The following ANKRD6 variants were observed in gnomAD, a reference collection of about 807,000 sequenced individuals.
ANKRD6 encodes the protein ankyrin repeat domain-containing protein 6.
ANKRD6 carries 56 observed loss-of-function variants against 82.3 expected under a neutral mutation model. The observed-to-expected ratio is 0.68, with a 90% confidence interval of 0.55 to 0.85. The LOEUF (loss-of-function observed/expected upper bound fraction) is 0.85. ANKRD6 is among the 40% of genes least tolerant of loss of function. The pLI, the probability that ANKRD6 is intolerant of heterozygous loss-of-function variation, is 0.00. For synonymous variants in ANKRD6, 347 were observed against 352.1 expected (o/e 0.99, Z 0.16); for missense variants, 852 against 907.6 (o/e 0.94, Z 0.79).
chr6:89,514,099 C>T (rs755526130), intron 1 of ANKRD6, among the ~76,000 whole-genome samples: 41 of 152,118 alleles, frequency 2.7e-4, no homozygotes, highest in Admixed American at 1.3e-3. Context: ...TATGAAGGGC[C>T]GGGTGCGGTA....
chr6:89,538,855 T>G (rs1394001697), intron 1 of ANKRD6, among the ~76,000 whole-genome samples: 1 of 152,016 alleles, frequency 6.6e-6, no homozygotes, highest in East Asian at 1.9e-4. Context: ...AATACTTTCA[T>G]GCAAAGAAGA....
chr6:89,456,648 C>T (rs1773544591), intron 1 of ANKRD6, among the ~76,000 whole-genome samples: 1 of 152,178 alleles, frequency 6.6e-6, no homozygotes, highest in African/African-American at 2.4e-5. Context: ...ACTTGTTCTG[C>T]CCATAACACT....
rs146309436 is a variant in ANKRD6, at chr6:89,617,690, A to C, written c.715-264A>C. Among the ~76,000 whole-genome samples, 19 of 152,182 alleles carry C rather than the reference A, an allele frequency of 1.2e-4. No individual in the cohort carries two copies. The East Asian group carries it at 3.7e-3, about 29-fold the overall frequency. The stretch of plus-strand genomic sequence containing the variant: ...TACCCAGGCCTTGGCCTCCTAAAGC[A>C]CTTCTTGCCCCCTTGGTCTGCCCTT... On this transcript the variant is annotated intron_variant, in intron 8 of 15. Transcript: ENST00000339746.
intron 1 of ANKRD6, among the ~76,000 whole-genome samples, chr6:89,510,805 T>A (rs990100801): frequency 6.6e-6 from 1 of 152,108 alleles, no homozygotes; most frequent in African/African-American, 2.4e-5. Flanking sequence ...CTGTGAAGGA[T>A]CTTGGCTTTG....
In ANKRD6 at chr6:89,532,699, AT is replaced by A. The variant is rs947152901; in HGVS notation, c.-143-34126del. 2.9e-4 allele frequency among the ~76,000 whole-genome samples: 44 copies of A among 150,712 alleles called. No individual in the cohort carries two copies. The Middle Eastern group carries it at 0.014, about 47-fold the overall frequency. ...TGAAAGCTTACAAGATAGTAAATTG[AT>A]TTTTTTTTCTTTTTTTTTTGAGATG... On this transcript the variant is annotated intron_variant, in intron 1 of 15. Transcript: ENST00000339746.
intron 1 of ANKRD6, among the ~76,000 whole-genome samples, chr6:89,454,028 C>T (rs1353473570): frequency 1.3e-5 from 2 of 152,062 alleles, no homozygotes; most frequent in Non-Finnish European, 2.9e-5. Context: ...GTCTTGAACT[C>T]CTGACCTCAG....
intron 1 of ANKRD6, among the ~76,000 whole-genome samples, chr6:89,510,850 T>C (rs1780455965): frequency 6.6e-6 from 1 of 152,218 alleles, no homozygotes. Context: ...TCACAGTACC[T>C]GTACATAGTA....
intron 4 of ANKRD6, 109 bp from the exon 5 acceptor site, chr6:89,605,898 T>G: frequency 1.2e-5 from 8 of 675,702 alleles, no homozygotes; most frequent in African/African-American, 1.8e-5. Context: ...AAAGTCCAAT[T>G]GAGAAAGGCC....
chr6:89,540,701 C>T (rs978733532), intron 1 of ANKRD6, among the ~76,000 whole-genome samples: 3 of 151,958 alleles, frequency 2.0e-5, no homozygotes, highest in African/African-American at 7.3e-5. Flanking sequence ...AAATTTTTGC[C>T]CAGACCAATG....
intron 1 of ANKRD6, among the ~76,000 whole-genome samples, chr6:89,471,166 C>T (rs760767271): frequency 1.1e-4 from 17 of 151,956 alleles, no homozygotes; most frequent in Non-Finnish European, 2.1e-4. Flanking sequence ...CCCTGGCCAA[C>T]ATGGCAAAAC....
chr6:89,591,883 C>T (rs143212508), intron 2 of ANKRD6, among the ~76,000 whole-genome samples: 1 of 152,308 alleles, frequency 6.6e-6, no homozygotes, highest in Non-Finnish European at 1.5e-5. Context: ...GTGCAGGGAA[C>T]ACAGCCCCTC....
chr6:89,553,482 T>G (rs1472918464), intron 1 of ANKRD6, among the ~76,000 whole-genome samples: 3 of 152,190 alleles, frequency 2.0e-5, no homozygotes, highest in Non-Finnish European at 1.5e-5. Flanking sequence ...GAGTAGATAT[T>G]CATGTTTATG....
At chr6:89,468,570 A>G (rs1295568298) in intron 1 of ANKRD6, among the ~76,000 whole-genome samples, 3 of 149,838 alleles carry the variant, frequency 2.0e-5, no homozygotes, top group Non-Finnish European at 4.4e-5. Flanking sequence ...CACATAAAAT[A>G]TGCTAACACT....
At chr6:89,601,015 C>T (rs964898450) in intron 3 of ANKRD6, among the ~76,000 whole-genome samples, 3 of 152,196 alleles carry the variant, frequency 2.0e-5, no homozygotes, top group African/African-American at 4.8e-5. Context: ...CCAGCCTGGG[C>T]GACAGGGCGA....
chr6:89,460,896 G>T (rs895148978), intron 1 of ANKRD6, among the ~76,000 whole-genome samples: 11 of 115,086 alleles, frequency 9.6e-5, no homozygotes, highest in Non-Finnish European at 1.6e-4. Context: ...TACTACATCG[G>T]TGTTTTGGAA....
chr6:89,438,757 C>T (rs1468861604), intron 1 of ANKRD6, among the ~76,000 whole-genome samples: 6 of 152,142 alleles, frequency 3.9e-5, no homozygotes, highest in Admixed American at 3.9e-4. Context: ...ATTCTCCTGC[C>T]TCAGCCTCCT....
At chr6:89,467,703 G>T (rs1220944259) in intron 1 of ANKRD6, among the ~76,000 whole-genome samples, 1 of 152,192 alleles carries the variant, frequency 6.6e-6, no homozygotes, top group Non-Finnish European at 1.5e-5. Flanking sequence ...AGTTCCAAAA[G>T]ATTTATGTTT....
At chr6:89,505,022 T>G (rs1379088078) in intron 1 of ANKRD6, 2 of 152,280 alleles carry the variant, frequency 1.3e-5, no homozygotes, top group Non-Finnish European at 2.9e-5. Flanking sequence ...TGTGGCTGAT[T>G]GGCCCATTAT....
chr6:89,528,673 G>A (rs1337088381), intron 1 of ANKRD6, among the ~76,000 whole-genome samples: 1 of 152,214 alleles, frequency 6.6e-6, no homozygotes, highest in Admixed American at 6.5e-5. Context: ...ACTTTCCCCA[G>A]ATCCATCAGA....
Sources: allele counts gnomAD v4.1 joint callset (sites outside exome capture counted in the v4.1 genomes callset), GRCh38; gene constraint gnomAD v4.1.1; transcripts MANE v1.5; gene names NCBI Gene and HGNC (gene_info 2026-07-23, HGNC 2026-07-21).